The following BICRAL variants were observed in gnomAD, a reference collection of about 807,000 sequenced individuals.
The protein encoded by BICRAL is BRD4-interacting chromatin-remodeling complex-associated protein-like.
BICRAL carries 8 observed loss-of-function variants against 91.8 expected under a neutral mutation model. That is an observed-to-expected ratio of 0.09 (90% CI 0.05 to 0.16). The LOEUF is 0.16. BICRAL is among the 10% of genes least tolerant of loss of function. The pLI is 1.00. For missense variants in BICRAL, 1,038 were observed against 1,310.9 expected (o/e 0.79, Z 3.21); for synonymous variants, 445 against 491.1 (o/e 0.91, Z 1.24).
At chr6:42,845,630 C>CT (rs1256909027) in intron 6 of BICRAL, among the ~76,000 whole-genome samples, 1 of 152,032 alleles carries the variant, frequency 6.6e-6, no homozygotes, top group Non-Finnish European at 1.5e-5. Flanking sequence ...ATTGTTCTCC[C>CT]TCCTTGTTCT....
At chr6:42,825,662 G>A (rs1445651943) in intron 5 of BICRAL, among the ~76,000 whole-genome samples, 6 of 151,728 alleles carry the variant, frequency 4.0e-5, no homozygotes, top group Admixed American at 2.0e-4. Flanking sequence ...GTTGGAGGCT[G>A]CAGTGAGCCA....
intron 6 of BICRAL, among the ~76,000 whole-genome samples, chr6:42,842,452 C>CTCCG (rs1210070403): frequency 6.6e-6 from 1 of 152,194 alleles, no homozygotes; most frequent in Non-Finnish European, 1.5e-5. Context: ...AAGCACAAAT[C>CTCCG]TCCGACCTGG....
At position 42,865,444 on chromosome 6, in the gene BICRAL, T is replaced by A; in HGVS notation, c.3238T>A (p.Ter1080LysextTer1). 6.3e-7 allele frequency: 1 copy of A among 1,597,558 alleles called. No homozygotes were observed. Among genetic ancestry groups the A allele is most frequent in the Non-Finnish European group, 8.6e-7 (1 of 1,165,888 alleles). The change falls in exon 13 of 13, where the codon TAA becomes AAA. Residue 1080 changes from the stop codon to lysine (K), a stop_lost. Coordinates refer to ENST00000314073, the MANE Select transcript of BICRAL (RefSeq NM_001393499.1). Reference sequence around the variant, plus strand: ...AGCTGTAAATAGTATCCTAGAGTGTTAATAGCAGCAGTCCTCCCCCTACCC... The same window carrying A: ...AGCTGTAAATAGTATCCTAGAGTGTAAATAGCAGCAGTCCTCCCCCTACCC... ...EAAVNSILEC[*>K]
intron 10 of BICRAL, 60 bp from the exon 11 acceptor site, chr6:42,860,202 A>G: frequency 1.0e-6 from 1 of 953,116 alleles, no homozygotes; most frequent in East Asian, 2.4e-5. Flanking sequence ...CTTAAGAAAC[A>G]GAAGACCTAG....
chr6:42,838,832 A>G (rs1049076793), intron 6 of BICRAL, among the ~76,000 whole-genome samples: 16 of 151,996 alleles, frequency 1.1e-4, no homozygotes, highest in African/African-American at 3.6e-4. Context: ...GTGGTGGTGC[A>G]TGCCTGTAAT....
upstream of BICRAL, among the ~76,000 whole-genome samples, chr6:42,746,508 T>TG (rs1478891037): frequency 6.8e-6 from 1 of 147,900 alleles, no homozygotes; most frequent in Non-Finnish European, 1.5e-5. Context: ...GTGGGAGGGA[T>TG]GAGTGCGTGT....
At position 42,857,085 on chromosome 6, in the gene BICRAL, G is replaced by C. The variant is rs1303607559; in HGVS notation, c.2109-6G>C. The C allele has an allele frequency of 1.2e-6, 2 of 1,607,668 alleles. No individual in the cohort carries two copies. Among genetic ancestry groups the C allele is most frequent in the Admixed American group, 3.4e-5 (2 of 58,734 alleles). On this transcript the variant is annotated splice_polypyrimidine_tract_variant and splice_region_variant and intron_variant, in intron 9 of 12. Transcript: ENST00000314073. ...TACATTGACATTGACCATTTCCCTT[G>C]TAAAGCATTCTCCAGCAGTTGCAGA...
intron 2 of BICRAL, among the ~76,000 whole-genome samples, chr6:42,819,000 C>T (rs1764068062): frequency 6.6e-6 from 1 of 152,192 alleles, no homozygotes; most frequent in African/African-American, 2.4e-5. Flanking sequence ...ACAAATCCCA[C>T]TGTCTAGTGC....
chr6:42,852,536 C>T, intron 7 of BICRAL: 1 of 397,334 alleles, frequency 2.5e-6, no homozygotes, highest in South Asian at 1.9e-5. Flanking sequence ...GTGGCACACG[C>T]CCGTAATCCC....
chr6:42,748,393 TGA>T (rs1227168047), intron 1 of BICRAL, among the ~76,000 whole-genome samples: 7 of 151,992 alleles, frequency 4.6e-5, no homozygotes, highest in Non-Finnish European at 1.0e-4. Flanking sequence ...GCAGCTGGAG[TGA>T]GATAACATTT....
intron 1 of BICRAL, among the ~76,000 whole-genome samples, chr6:42,775,339 AGACT>A (rs1323854595): frequency 6.6e-6 from 1 of 152,184 alleles, no homozygotes; most frequent in South Asian, 2.1e-4. Flanking sequence ...TCTATCTTAG[AGACT>A]GACTTTCTCA....
chr6:42,783,033 TG>T (rs1370535536), intron 1 of BICRAL, among the ~76,000 whole-genome samples: 8 of 151,862 alleles, frequency 5.3e-5, no homozygotes, highest in African/African-American at 1.9e-4. Context: ...TTTTTCATCC[TG>T]GCTTCCCCAT....
chr6:42,749,796 A>T (rs893356939), intron 1 of BICRAL, among the ~76,000 whole-genome samples: 1 of 145,934 alleles, frequency 6.9e-6, no homozygotes, highest in Admixed American at 7.0e-5. Flanking sequence ...CTTATATTAT[A>T]TTATTTCATA....
chr6:42,791,098 G>A (rs987104529), intron 1 of BICRAL, among the ~76,000 whole-genome samples: 2 of 152,016 alleles, frequency 1.3e-5, no homozygotes, highest in Non-Finnish European at 2.9e-5. Context: ...AATGCTGTGT[G>A]GGAAGGTGGA....
intron 1 of BICRAL, among the ~76,000 whole-genome samples, chr6:42,747,752 G>C (rs1562444405): frequency 6.7e-6 from 1 of 149,436 alleles, no homozygotes; most frequent in African/African-American, 2.5e-5. Flanking sequence ...CACTAGTCTT[G>C]TTTTATGGGC....
chr6:42,853,750 T>G lies in BICRAL; in HGVS notation c.2046+12T>G, dbSNP rs1765264197. On this transcript the variant is annotated intron_variant, in intron 8 of 12. Coordinates refer to ENST00000314073, the MANE Select transcript of BICRAL (RefSeq NM_001393499.1). ...ATCCAGCTGTGCAGGTAGAAAACTA[T>G]TGGCATAGCCTCTTCCTAATGTTCG... 1 of 1,521,490 alleles carries G rather than the reference T, an allele frequency of 6.6e-7. No individual in the cohort carries two copies. Among genetic ancestry groups the G allele is most frequent in the African/African-American group, 1.4e-5 (1 of 73,160 alleles). The allele number at this position is 1,521,490 out of a possible 1,614,324, so 94.2% of individuals were successfully genotyped here. A position where few individuals can be genotyped will look rare whatever the true frequency, so the allele number is the denominator to read the frequency against.
At chr6:42,805,604 GC>G (rs1259111953) in intron 1 of BICRAL, among the ~76,000 whole-genome samples, 2 of 152,124 alleles carry the variant, frequency 1.3e-5, no homozygotes, top group African/African-American at 2.4e-5. Flanking sequence ...CCTATTATGT[GC>G]CAGGGGCTAT....
At chr6:42,834,382 C>T (rs919323088) in intron 6 of BICRAL, among the ~76,000 whole-genome samples, 5 of 152,294 alleles carry the variant, frequency 3.3e-5, no homozygotes, top group Middle Eastern at 3.4e-3. Flanking sequence ...TAATTTGAAA[C>T]TCTGTAGGCA....
upstream of BICRAL, among the ~76,000 whole-genome samples, chr6:42,780,900 C>A (rs1316742120): frequency 6.6e-6 from 1 of 152,038 alleles, no homozygotes; most frequent in African/African-American, 2.4e-5. Flanking sequence ...CCACGCCCAG[C>A]TAATTTTTGT....
Sources: gnomAD v4.1 joint callset for allele counts (sites outside exome capture counted in the v4.1 genomes callset) on GRCh38, gnomAD v4.1.1 for gene constraint, MANE v1.5 for transcripts, NCBI Gene and HGNC (gene_info 2026-07-23, HGNC 2026-07-21) for gene names.